The following CNTNAP2 variants were observed in gnomAD, a reference collection of about 807,000 sequenced individuals.
CNTNAP2 encodes contactin associated protein 2.
A neutral mutation model predicts 155.2 loss-of-function variants in CNTNAP2; 98 were observed. That is an observed-to-expected ratio of 0.63 (90% CI 0.54 to 0.75). The LOEUF (loss-of-function observed/expected upper bound fraction) is 0.75. Ranked by LOEUF, CNTNAP2 falls within the 30% of genes least tolerant of loss-of-function variation. CNTNAP2 has a pLI of 0.00. For missense variants in CNTNAP2, 1,727 were observed against 1,688.1 expected, an observed-to-expected ratio of 1.02 and a Z score of -0.40; for synonymous variants, 651 against 631.2, an observed-to-expected ratio of 1.03 and a Z score of -0.47.
At chr7:148,023,591 T>C (rs919160525) in intron 15 of CNTNAP2, among the ~76,000 whole-genome samples, 6 of 152,260 alleles carry the variant, frequency 3.9e-5, no homozygotes, top group African/African-American at 1.2e-4. Flanking sequence ...AATAAACGCT[T>C]CATTTCACAC....
intron 11 of CNTNAP2, among the ~76,000 whole-genome samples, chr7:147,494,623 G>A (rs1391124227): frequency 1.3e-5 from 2 of 152,092 alleles, no homozygotes; most frequent in Non-Finnish European, 2.9e-5. Flanking sequence ...CCTGTAGTTT[G>A]AATCCCAGTG....
chr7:147,090,581 A>G (rs1800381141), intron 4 of CNTNAP2, among the ~76,000 whole-genome samples: 1 of 152,162 alleles, frequency 6.6e-6, no homozygotes, highest in Admixed American at 6.5e-5. Context: ...AAATAATTTA[A>G]TCTTCAGAAA....
chr7:147,851,103 T>A (rs1798930476), intron 13 of CNTNAP2, among the ~76,000 whole-genome samples: 1 of 152,176 alleles, frequency 6.6e-6, no homozygotes, highest in Admixed American at 6.5e-5. Context: ...CATCAACAAG[T>A]GGGCGAAGGA....
intron 4 of CNTNAP2, among the ~76,000 whole-genome samples, chr7:147,066,764 A>G (rs1799786689): frequency 1.3e-5 from 2 of 152,204 alleles, no homozygotes; most frequent in South Asian, 4.1e-4. Flanking sequence ...TATTTTGAAG[A>G]CCACATGTTA....
chr7:146,660,107 T>C (rs2129165740), intron 1 of CNTNAP2, among the ~76,000 whole-genome samples: 1 of 152,314 alleles, frequency 6.6e-6, no homozygotes, highest in Middle Eastern at 3.4e-3. Flanking sequence ...TTCTTTTATA[T>C]GCAAGAGAAA....
chr7:146,403,991 G>A (rs900566913), intron 1 of CNTNAP2, among the ~76,000 whole-genome samples: 36 of 150,842 alleles, frequency 2.4e-4, no homozygotes, highest in African/African-American at 8.5e-4. Flanking sequence ...CGGGCGTAGT[G>A]GCGGGCGCCT....
At chr7:148,224,826 G>T (rs536738029) in intron 19 of CNTNAP2, among the ~76,000 whole-genome samples, 1 of 152,132 alleles carries the variant, frequency 6.6e-6, no homozygotes, top group Non-Finnish European at 1.5e-5. Flanking sequence ...TCACATGGCG[G>T]CAGGAGGGAG....
At chr7:147,377,141 C>G (rs966348504) in intron 9 of CNTNAP2, among the ~76,000 whole-genome samples, 5 of 150,458 alleles carry the variant, frequency 3.3e-5, no homozygotes, top group African/African-American at 1.2e-4. Context: ...TCTTCTCCCC[C>G]CCCTTTTGGT....
chr7:146,989,934 A>G (rs1005744064), intron 3 of CNTNAP2, among the ~76,000 whole-genome samples: 1 of 150,488 alleles, frequency 6.6e-6, no homozygotes, highest in Admixed American at 6.6e-5. Flanking sequence ...TTTTTTTTAC[A>G]TTTAACACCT....
rs528544002 is a variant in CNTNAP2, at chr7:146,775,864, C to T, written c.208+1483C>T. On this transcript the variant is annotated intron_variant, in intron 2 of 23. Coordinates refer to ENST00000361727, the MANE Select transcript of CNTNAP2 (RefSeq NM_014141.6). ...AAAAAGACTTGGTGAAAGAGTGATA[C>T]ACAAGCAAAGGTAGAGGAACATAAC... Among the ~76,000 whole-genome samples, 4 of 151,968 alleles carry T rather than the reference C, an allele frequency of 2.6e-5. No individual in the cohort carries two copies. In the South Asian group the frequency reaches 8.3e-4, roughly 32 times the overall value.
At chr7:146,171,641 A>G (rs928851365) in intron 1 of CNTNAP2, among the ~76,000 whole-genome samples, 3 of 151,796 alleles carry the variant, frequency 2.0e-5, no homozygotes, top group African/African-American at 4.9e-5. Context: ...TTCATCATGC[A>G]TCAACACCAG....
At chr7:146,776,411 T>G (rs1395280111) in intron 2 of CNTNAP2, among the ~76,000 whole-genome samples, 2 of 152,138 alleles carry the variant, frequency 1.3e-5, no homozygotes, top group Non-Finnish European at 2.9e-5. Flanking sequence ...AATGAGACAA[T>G]CTAGTCACCA....
chr7:147,256,437 A>G (rs1804329573), intron 8 of CNTNAP2, among the ~76,000 whole-genome samples: 1 of 152,220 alleles, frequency 6.6e-6, no homozygotes, highest in African/African-American at 2.4e-5. Context: ...CACTAGGTGT[A>G]AAAATGGCAT....
chr7:147,087,982 C>CA (rs1018494832), intron 4 of CNTNAP2, among the ~76,000 whole-genome samples: 10 of 151,734 alleles, frequency 6.6e-5, no homozygotes, highest in South Asian at 2.1e-4. Context: ...ACCTCAAAAA[C>CA]AAAAAAACAA....
intron 13 of CNTNAP2, among the ~76,000 whole-genome samples, chr7:147,790,510 G>A (rs955534792): frequency 1.3e-5 from 2 of 152,150 alleles, no homozygotes; most frequent in African/African-American, 4.8e-5. Flanking sequence ...CTGATTTATT[G>A]TAATAACCCT....
intron 3 of CNTNAP2, among the ~76,000 whole-genome samples, chr7:146,979,045 C>T (rs1249172499): frequency 6.6e-6 from 1 of 152,114 alleles, no homozygotes; most frequent in Non-Finnish European, 1.5e-5. Flanking sequence ...ACATTAATGC[C>T]TATTAATTCT....
intron 16 of CNTNAP2, among the ~76,000 whole-genome samples, chr7:148,133,242 G>C (rs1585143567): frequency 6.6e-6 from 1 of 151,968 alleles, no homozygotes; most frequent in African/African-American, 2.4e-5. Context: ...CAGGCAGATA[G>C]CCTGAGGCCA....
chr7:148,230,346 C>A (rs1585203761), intron 20 of CNTNAP2, among the ~76,000 whole-genome samples: 1 of 152,138 alleles, frequency 6.6e-6, no homozygotes, highest in East Asian at 1.9e-4. Flanking sequence ...CATTGACGAC[C>A]CCGGCCCTCA....
intron 21 of CNTNAP2, among the ~76,000 whole-genome samples, chr7:148,334,371 TC>T (rs1349829390): frequency 2.6e-5 from 4 of 152,126 alleles, no homozygotes; most frequent in Non-Finnish European, 4.4e-5. Context: ...TGACAGTCAA[TC>T]GGGTGGCCTA....
Sources: allele counts gnomAD v4.1 joint callset (sites outside exome capture counted in the v4.1 genomes callset), GRCh38; gene constraint gnomAD v4.1.1; transcripts MANE v1.5; gene names NCBI Gene and HGNC (gene_info 2026-07-23, HGNC 2026-07-21).